The following RAP1A variants were observed in gnomAD, a reference collection of about 807,000 sequenced individuals.
RAP1A encodes the protein ras-related protein Rap-1A.
In RAP1A, 6 loss-of-function variants were observed where a neutral mutation model predicts 26.4. That is an observed-to-expected ratio of 0.23 (90% CI 0.12 to 0.45). The LOEUF (loss-of-function observed/expected upper bound fraction) is 0.45, where lower values mean the gene tolerates loss of function less well. Ranked by LOEUF, RAP1A falls within the 20% of genes least tolerant of loss-of-function variation. The pLI, the probability that RAP1A is intolerant of heterozygous loss-of-function variation, is 0.99. For synonymous variants in RAP1A, 73 were observed against 79.4 expected, an observed-to-expected ratio of 0.92 and a Z score of 0.43; for missense variants, 121 against 217.2, an observed-to-expected ratio of 0.56 and a Z score of 2.78.
chr1:111,590,993 G>T (rs6537709), intron 1 of RAP1A, among the ~76,000 whole-genome samples: 7,224 of 152,208 alleles, frequency 0.047, 207 homozygotes, highest in South Asian at 0.096. Context: ...TGGCAGAATT[G>T]CTTATAAATC....
chr1:111,700,212 T>C (rs904335481), intron 4 of RAP1A, among the ~76,000 whole-genome samples: 6 of 152,180 alleles, frequency 3.9e-5, no homozygotes, highest in African/African-American at 1.4e-4. Context: ...TGTAACCCTG[T>C]CTGTATTAGG....
At chr1:111,581,275 C>T (rs1658252307) in intron 1 of RAP1A, among the ~76,000 whole-genome samples, 1 of 151,886 alleles carries the variant, frequency 6.6e-6, no homozygotes, top group African/African-American at 2.4e-5. Flanking sequence ...AGAAAGGAGC[C>T]AATAGTGGCT....
chr1:111,669,088 A>G lies in RAP1A; in HGVS notation c.-27-22246A>G, dbSNP rs190257700. Among the ~76,000 whole-genome samples, 7 of 152,188 alleles carry G rather than the reference A, an allele frequency of 4.6e-5. No individual in the cohort carries two copies. In the East Asian group the frequency reaches 1.3e-3, roughly 29 times the overall value. On this transcript the variant is annotated intron_variant, in intron 1 of 7. Transcript: ENST00000369709. Reference sequence around the variant, plus strand: ...GTATAAATAAAAATCTTAAAAGTCAATGGACAGGCTTAACAATAGATTATA... The same window carrying G: ...GTATAAATAAAAATCTTAAAAGTCAGTGGACAGGCTTAACAATAGATTATA...
chr1:111,661,808 A>G (rs1660646696), intron 1 of RAP1A, among the ~76,000 whole-genome samples: 1 of 152,024 alleles, frequency 6.6e-6, no homozygotes, highest in South Asian at 2.1e-4. Flanking sequence ...CAGAAAAAAA[A>G]AAAAAAAAAG....
At chr1:111,671,483 T>G (rs71673430) in intron 1 of RAP1A, among the ~76,000 whole-genome samples, 2,533 of 152,216 alleles carry the variant, frequency 0.017, 29 homozygotes, top group Middle Eastern at 0.037. Context: ...TTCTTTCTTT[T>G]TTTTTGTTTT....
At chr1:111,581,383 T>G (rs1312543636) in intron 1 of RAP1A, among the ~76,000 whole-genome samples, 1 of 152,198 alleles carries the variant, frequency 6.6e-6, no homozygotes. Context: ...CATTTTTGGC[T>G]GTCACAACTG....
chr1:111,666,690 A>G (rs767858170), intron 1 of RAP1A, among the ~76,000 whole-genome samples: 6 of 152,172 alleles, frequency 3.9e-5, no homozygotes, highest in Admixed American at 1.3e-4. Context: ...ATTGCTTAGG[A>G]AAAATGCCTG....
intron 1 of RAP1A, among the ~76,000 whole-genome samples, chr1:111,652,642 C>T (rs542906620): frequency 2.6e-5 from 4 of 151,796 alleles, no homozygotes; most frequent in African/African-American, 7.2e-5. Context: ...CTTAGGGAAA[C>T]GCAAATCAAA....
chr1:111,628,271 A>T (rs1435824411), intron 1 of RAP1A, among the ~76,000 whole-genome samples: 1 of 152,222 alleles, frequency 6.6e-6, no homozygotes, highest in Non-Finnish European at 1.5e-5. Flanking sequence ...ACATGAATAA[A>T]TACTGAAATG....
intron 1 of RAP1A, among the ~76,000 whole-genome samples, chr1:111,583,191 A>G (rs1658293043): frequency 6.6e-6 from 1 of 152,012 alleles, no homozygotes; most frequent in Non-Finnish European, 1.5e-5. Flanking sequence ...GAAAAGTGCA[A>G]AAAAGCAGTA....
chr1:111,710,904 C>T (rs192738366), intron 7 of RAP1A, among the ~76,000 whole-genome samples: 208 of 152,322 alleles, frequency 1.4e-3, no homozygotes, highest in Admixed American at 2.4e-3. Context: ...ACACTCTGCT[C>T]ACTGCAACCT....
intron 1 of RAP1A, among the ~76,000 whole-genome samples, chr1:111,605,118 C>T (rs1468531121): frequency 2.0e-5 from 3 of 152,154 alleles, no homozygotes; most frequent in South Asian, 2.1e-4. Flanking sequence ...GAAGAGGAGA[C>T]CCAAACCCAG....
intron 1 of RAP1A, among the ~76,000 whole-genome samples, chr1:111,592,401 C>A (rs1184420797): frequency 6.6e-6 from 1 of 152,324 alleles, no homozygotes; most frequent in African/African-American, 2.4e-5. Flanking sequence ...AGCCACTTAA[C>A]CCCAGATATT....
chr1:111,676,499 A>G (rs987182091), intron 1 of RAP1A, among the ~76,000 whole-genome samples: 2 of 152,132 alleles, frequency 1.3e-5, no homozygotes, highest in Admixed American at 1.3e-4. Context: ...ATCAGTATGT[A>G]TCTAGTATTC....
intron 1 of RAP1A, among the ~76,000 whole-genome samples, chr1:111,622,662 G>A (rs144759620): frequency 3.3e-5 from 5 of 152,240 alleles, no homozygotes; most frequent in Admixed American, 6.5e-5. Flanking sequence ...GGACATTATT[G>A]TTTAACATTT....
chr1:111,709,003 T>C, intron 6 of RAP1A, 146 bp from the exon 7 acceptor site: 1 of 1,062,720 alleles, frequency 9.4e-7, no homozygotes, highest in Middle Eastern at 3.4e-4. Flanking sequence ...TGATTGAAAG[T>C]CAGCAGAGCC....
chr1:111,564,070 T>A, intron 1 of RAP1A: 1 of 716,710 alleles, frequency 1.4e-6, no homozygotes, highest in Non-Finnish European at 2.5e-6. Flanking sequence ...GGTAGAGAAT[T>A]GGACATACTC....
intron 1 of RAP1A, among the ~76,000 whole-genome samples, chr1:111,573,656 C>T (rs916331282): frequency 6.6e-6 from 1 of 152,126 alleles, no homozygotes; most frequent in Admixed American, 6.6e-5. Context: ...ATAATAGCCA[C>T]TCTGACTGGT....
intron 1 of RAP1A, among the ~76,000 whole-genome samples, chr1:111,575,453 T>G (rs1384379453): frequency 6.6e-6 from 1 of 152,162 alleles, no homozygotes; most frequent in Non-Finnish European, 1.5e-5. Flanking sequence ...ACACCCAGCC[T>G]GAAGGTACTA....
Sources: gnomAD v4.1 joint callset for allele counts (sites outside exome capture counted in the v4.1 genomes callset) on GRCh38, gnomAD v4.1.1 for gene constraint, MANE v1.5 for transcripts, NCBI Gene and HGNC (gene_info 2026-07-23, HGNC 2026-07-21) for gene names.